The following PLGRKT variants were observed in gnomAD, a reference collection of about 807,000 sequenced individuals.
The protein encoded by PLGRKT is plasminogen receptor with a C-terminal lysine, also known as plasminogen receptor (KT).
PLGRKT carries 22 observed loss-of-function variants against 18.5 expected under a neutral mutation model. That is an observed-to-expected ratio of 1.19 (90% CI 0.85 to 1.70). The LOEUF (loss-of-function observed/expected upper bound fraction) is 1.70. Ranked by LOEUF, PLGRKT falls within the 40% of genes most tolerant of loss-of-function variation. PLGRKT has a pLI of 0.00. For synonymous variants in PLGRKT, 72 were observed against 52.8 expected (o/e 1.36, Z -1.58); for missense variants, 235 against 174.4 (o/e 1.35, Z -1.96).
At chr9:5,377,605 G>A (rs1202403546) in intron 3 of PLGRKT, among the ~76,000 whole-genome samples, 1 of 152,190 alleles carries the variant, frequency 6.6e-6, no homozygotes, top group Non-Finnish European at 1.5e-5. Context: ...CAAAATGATG[G>A]TAAAACCTGT....
upstream of PLGRKT, among the ~76,000 whole-genome samples, chr9:5,438,194 G>A (rs1341697406): frequency 6.6e-6 from 1 of 152,176 alleles, no homozygotes; most frequent in Non-Finnish European, 1.5e-5. Context: ...CGAGAAAGAA[G>A]AGAATTGACT....
chr9:5,390,155 C>G (rs1017030608), intron 3 of PLGRKT, among the ~76,000 whole-genome samples: 1 of 151,478 alleles, frequency 6.6e-6, no homozygotes, highest in African/African-American at 2.4e-5. Flanking sequence ...GCTTAAAATA[C>G]CAGCAATTCT....
chr9:5,424,691 T>TATATATATATACACACAC (rs201541927), intron 3 of PLGRKT, among the ~76,000 whole-genome samples: 4 of 70,502 alleles, frequency 5.7e-5, no homozygotes, highest in African/African-American at 2.4e-4. Context: ...TATATATATA[T>TATATATATATACACACAC]ACACACAGGG....
chr9:5,417,694 C>G (rs1169116075), intron 3 of PLGRKT, among the ~76,000 whole-genome samples: 23 of 150,854 alleles, frequency 1.5e-4, no homozygotes, highest in Admixed American at 1.5e-3. Flanking sequence ...TTATTGCTCC[C>G]CTATTGGGCT....
chr9:5,431,968 TA>T lies in PLGRKT; in HGVS notation c.9del (p.Phe3LeufsTer7). 1 of 1,497,060 alleles carries T rather than the reference TA, an allele frequency of 6.7e-7. No individual in the cohort carries two copies. The highest frequency in any genetic ancestry group is 9.3e-7 in the Non-Finnish European group (1 of 1,075,116). 92.7% of individuals were successfully genotyped at this position (1,497,060 alleles called of 1,614,324 possible). A position where few individuals can be genotyped will look rare whatever the true frequency, so the allele number is the denominator to read the frequency against. MG[F>X]IFSKSMNESM... Reference sequence around the variant, plus strand: ...CTTTCATTCATAGATTTTGAAAATATAAACCCCATTTTGACCTAAAATGTAA... The same window carrying T: ...CTTTCATTCATAGATTTTGAAAATATAACCCCATTTTGACCTAAAATGTAA... On this transcript the variant is annotated frameshift_variant, in exon 3 of 6. Transcript: ENST00000223864. LOFTEE classifies it high-confidence loss of function.
At chr9:5,384,052 C>T (rs1049360646) in intron 3 of PLGRKT, among the ~76,000 whole-genome samples, 2 of 152,188 alleles carry the variant, frequency 1.3e-5, no homozygotes, top group African/African-American at 4.8e-5. Context: ...TTTGTGGCAG[C>T]CCTGGCTCCA....
intron 3 of PLGRKT, among the ~76,000 whole-genome samples, chr9:5,423,986 A>G (rs1245416690): frequency 7.2e-6 from 1 of 137,942 alleles, no homozygotes; most frequent in African/African-American, 2.8e-5. Context: ...TATATGTAAT[A>G]TGTAATATAT....
chr9:5,379,404 C>G (rs992607587), intron 3 of PLGRKT, among the ~76,000 whole-genome samples: 1 of 152,124 alleles, frequency 6.6e-6, no homozygotes. Flanking sequence ...ACTAGCCATA[C>G]TGAATATTTA....
intron 3 of PLGRKT, among the ~76,000 whole-genome samples, chr9:5,424,507 T>C (rs10975111): frequency 1.7e-5 from 2 of 119,136 alleles, no homozygotes; most frequent in Admixed American, 9.6e-5. Context: ...TAACATATAA[T>C]ATATAACATA....
intron 3 of PLGRKT, chr9:5,419,025 T>C: frequency 2.0e-6 from 1 of 489,764 alleles, no homozygotes. Flanking sequence ...GGGAGGGAGC[T>C]GGTCTTCAGA....
At chr9:5,387,201 T>A (rs1177187348) in intron 3 of PLGRKT, among the ~76,000 whole-genome samples, 1 of 151,894 alleles carries the variant, frequency 6.6e-6, no homozygotes, top group African/African-American at 2.4e-5. Context: ...TAGGGTCTCG[T>A]AGGCCTTTGC....
chr9:5,433,883 G>C (rs1473268501), intron 2 of PLGRKT, among the ~76,000 whole-genome samples: 2 of 148,016 alleles, frequency 1.4e-5, no homozygotes, highest in South Asian at 2.1e-4. Context: ...CGCCCCGTCT[G>C]GGATGTGAGG....
intron 3 of PLGRKT, among the ~76,000 whole-genome samples, chr9:5,419,685 G>A (rs1026908593): frequency 6.9e-6 from 1 of 145,552 alleles, no homozygotes; most frequent in African/African-American, 2.5e-5. Flanking sequence ...ACTACCAGAT[G>A]ACTAGAATTT....
At chr9:5,379,900 G>C (rs1041106392) in intron 3 of PLGRKT, among the ~76,000 whole-genome samples, 2 of 152,076 alleles carry the variant, frequency 1.3e-5, no homozygotes, top group Non-Finnish European at 2.9e-5. Context: ...TTCATGTCCG[G>C]GAAGTTACCT....
At chr9:5,416,258 T>A (rs1299355682) in intron 3 of PLGRKT, among the ~76,000 whole-genome samples, 3 of 152,156 alleles carry the variant, frequency 2.0e-5, no homozygotes, top group Non-Finnish European at 4.4e-5. Flanking sequence ...TTTCTCTCTC[T>A]CTAGAAATCC....
intron 3 of PLGRKT, among the ~76,000 whole-genome samples, chr9:5,412,052 A>G (rs903695868): frequency 6.6e-6 from 1 of 152,212 alleles, no homozygotes; most frequent in Admixed American, 6.5e-5. Context: ...CAAGCATTAA[A>G]CCATACTAAA....
chr9:5,377,029 A>C (rs1174852845), intron 3 of PLGRKT, among the ~76,000 whole-genome samples: 4 of 152,186 alleles, frequency 2.6e-5, no homozygotes, highest in African/African-American at 7.2e-5. Context: ...TTTCAGAATG[A>C]ATCTGTACTC....
At chr9:5,431,754 T>C (rs1357093149) in intron 3 of PLGRKT, 143 bp downstream of exon 3, 2 of 582,668 alleles carry the variant, frequency 3.4e-6, no homozygotes, top group Non-Finnish European at 6.2e-6. Flanking sequence ...AGATAATTAG[T>C]AAGCCATTTT....
intron 3 of PLGRKT, among the ~76,000 whole-genome samples, chr9:5,372,939 C>G (rs1196222494): frequency 6.6e-6 from 1 of 152,126 alleles, no homozygotes; most frequent in Non-Finnish European, 1.5e-5. Context: ...CCCGTGGTCA[C>G]AGTTATTAAG....
Sources: gnomAD v4.1 joint callset for allele counts (sites outside exome capture counted in the v4.1 genomes callset) on GRCh38, gnomAD v4.1.1 for gene constraint, MANE v1.5 for transcripts, NCBI Gene and HGNC (gene_info 2026-07-23, HGNC 2026-07-21) for gene names.